Variants in TACC1 observed in about 807,000 individuals in gnomAD.
The protein encoded by TACC1 is transforming acidic coiled-coil containing protein 1.
Under a neutral mutation model 84.4 loss-of-function variants are expected in TACC1, and 48 were observed. The ratio of observed to expected loss-of-function variants is 0.57; its 90% CI spans 0.45 to 0.72. The LOEUF (loss-of-function observed/expected upper bound fraction) is 0.72, where lower values mean the gene tolerates loss of function less well. TACC1 is among the 30% of genes least tolerant of loss of function. The probability of loss-of-function intolerance (pLI) is 0.00; values close to 1 mark genes in which losing one functional copy is unlikely to be tolerated. For synonymous variants in TACC1, 372 were observed against 376.3 expected, an observed-to-expected ratio of 0.99 and a Z score of 0.13; for missense variants, 920 against 973.0, an observed-to-expected ratio of 0.95 and a Z score of 0.72.
intron 11 of TACC1, among the ~76,000 whole-genome samples, chr8:38,845,675 G>A (rs1312714462): frequency 1.3e-5 from 2 of 152,190 alleles, no homozygotes; most frequent in Non-Finnish European, 2.9e-5. Flanking sequence ...TGCACTCACT[G>A]TTATGCCAGG....
chr8:38,823,688 C>G (rs930797050), intron 3 of TACC1, among the ~76,000 whole-genome samples: 5 of 152,092 alleles, frequency 3.3e-5, no homozygotes, highest in African/African-American at 1.2e-4. Context: ...ATCTTGTCGT[C>G]TTGTTCTTTT....
intron 3 of TACC1, 27 bp downstream of exon 3, chr8:38,820,662 G>A (rs751599190): frequency 3.8e-6 from 6 of 1,580,448 alleles, no homozygotes; most frequent in South Asian, 1.1e-5. Context: ...GCTGGGTGTC[G>A]TGCTCTGTGT....
intron 5 of TACC1, among the ~76,000 whole-genome samples, chr8:38,828,247 T>C (rs1262152496): frequency 1.3e-5 from 2 of 152,254 alleles, no homozygotes; most frequent in African/African-American, 2.4e-5. Context: ...CTTTTCTCAC[T>C]TCTTCAGAGA....
At position 38,734,380 on chromosome 8, in the gene TACC1, C is replaced by T. The variant is rs181473406; in HGVS notation, c.-675+5709C>T. 1.4e-3 allele frequency among the ~76,000 whole-genome samples: 207 copies of T among 152,212 alleles called. 1 individual carries two copies. Among genetic ancestry groups the T allele is most frequent in the Non-Finnish European group, 1.2e-3 (82 of 68,006 alleles). ...CTAATTTTTGTAGTTTTGGTAGAGA[C>T]GGGGTTTCACCATGTTGGCCAGGCA... On this transcript the variant is annotated intron_variant, in intron 1 of 14. Transcript: ENST00000518415.
rs796294930 is a variant in TACC1, at chr8:38,747,860, A to G, written c.26+2367A>G. On this transcript the variant is annotated intron_variant, in intron 3 of 14. Coordinates refer to the TACC1 transcript ENST00000518415. ...CTCTAATGTAAACTACGGACTTTGG[A>G]TAATAATGATACATCAGTGTAGGTT... Among the ~76,000 whole-genome samples the G allele has an allele frequency of 1.3e-5, 2 of 152,344 alleles. 1 individual carries two copies. The highest frequency in any genetic ancestry group is 4.8e-5 in the African/African-American group (2 of 41,578).
chr8:38,780,393 C>T (rs987124665), intron 3 of TACC1, among the ~76,000 whole-genome samples: 12 of 151,970 alleles, frequency 7.9e-5, no homozygotes, highest in Non-Finnish European at 1.5e-4. Flanking sequence ...GATAGAGTCT[C>T]GCTCTGTTGC....
intron 6 of TACC1, among the ~76,000 whole-genome samples, chr8:38,835,020 G>C (rs543502088): frequency 2.6e-5 from 4 of 152,140 alleles, no homozygotes; most frequent in Non-Finnish European, 5.9e-5. Context: ...TTGGGAGGCC[G>C]AGGCAGGCAG....
At position 38,752,502 on chromosome 8, in the gene TACC1, A is replaced by G. The variant is rs565295169; in HGVS notation, c.26+7009A>G. ...AAAATAAAAACAAAAACAAAACCCC[A>G]AAAACCCCAAAACCAAAAAACAACA... On this transcript the variant is annotated intron_variant, in intron 3 of 14. Coordinates refer to the TACC1 transcript ENST00000518415. Among the ~76,000 whole-genome samples the G allele has an allele frequency of 2.0e-5, 3 of 152,122 alleles. No individual in the cohort carries two copies. The South Asian group carries it at 6.2e-4, about 32-fold the overall frequency.
intron 4 of TACC1, among the ~76,000 whole-genome samples, chr8:38,826,863 T>A (rs564807325): frequency 1.3e-5 from 2 of 152,266 alleles, no homozygotes; most frequent in East Asian, 1.9e-4. Flanking sequence ...CAAAAAAAAA[T>A]TAGGTATATG....
At chr8:38,821,026 T>G (rs1826672546) in intron 3 of TACC1, among the ~76,000 whole-genome samples, 1 of 152,000 alleles carries the variant, frequency 6.6e-6, no homozygotes, top group South Asian at 2.1e-4. Context: ...ACCAACATGG[T>G]GAAACCTGTC....
intron 2 of TACC1, among the ~76,000 whole-genome samples, chr8:38,814,671 T>A (rs1021600244): frequency 6.6e-6 from 1 of 152,224 alleles, no homozygotes; most frequent in African/African-American, 2.4e-5. Flanking sequence ...CATAACTGTA[T>A]TCCCTATTCC....
chr8:38,731,837 T>G (rs940836008), intron 1 of TACC1, among the ~76,000 whole-genome samples: 1 of 151,734 alleles, frequency 6.6e-6, no homozygotes, highest in Non-Finnish European at 1.5e-5. Flanking sequence ...GTAGGCTGGG[T>G]GTGGTGGCTC....
At chr8:38,784,784 G>C (rs115236775), upstream of TACC1, among the ~76,000 whole-genome samples, 1,340 of 152,330 alleles carry the variant, frequency 8.8e-3, 26 homozygotes, top group African/African-American at 0.031. Flanking sequence ...CCTACTGAGT[G>C]TGTGGTTCTG....
chr8:38,815,493 C>A (rs971058903), intron 2 of TACC1, among the ~76,000 whole-genome samples: 6 of 152,092 alleles, frequency 3.9e-5, no homozygotes, highest in Non-Finnish European at 7.4e-5. Flanking sequence ...GATCTCGGCT[C>A]ACTGCAACCT....
rs531163845 is a variant in TACC1, at chr8:38,808,976, C to G, written c.278-10546C>G. ...GACTGAGATATGGGGTCTGCAGTGACTTGGTATAGGGCTGGGCAAGTTTAT... is the reference window on the plus strand; with the variant it reads ...GACTGAGATATGGGGTCTGCAGTGAGTTGGTATAGGGCTGGGCAAGTTTAT... On this transcript the variant is annotated intron_variant, in intron 2 of 12. Coordinates refer to ENST00000317827, the MANE Select transcript of TACC1 (RefSeq NM_006283.3). Among the ~76,000 whole-genome samples the G allele has an allele frequency of 3.9e-5, 6 of 151,996 alleles. No individual in the cohort carries two copies. The East Asian group carries it at 7.8e-4, about 20-fold the overall frequency.
At position 38,772,025 on chromosome 8, in the gene TACC1, AAGAGAG is replaced by A. The variant is rs35335324; in HGVS notation, c.27-16656_27-16651del. Reference sequence around the variant, plus strand: ...ACACTCCATATATGAAAGAAAGAAAAAGAGAGAGAGAGAGAGAGAGAGAGAGAGGAA... The same window carrying A: ...ACACTCCATATATGAAAGAAAGAAAAAGAGAGAGAGAGAGAGAGAGAGGAA... On this transcript the variant is annotated intron_variant, in intron 3 of 14. Coordinates refer to the TACC1 transcript ENST00000518415. Among the ~76,000 whole-genome samples, 1,413 of 148,596 alleles carry A rather than the reference AAGAGAG, an allele frequency of 9.5e-3. 20 individuals are homozygous for A. The highest frequency in any genetic ancestry group is 0.032 in the African/African-American group (1,294 of 40,310).
rs76278342 is a variant in TACC1 at position 38,728,672 on chromosome 8, G to A, written c.-675+1G>A. The A allele has an allele frequency of 6.6e-6, 1 of 152,308 alleles. No homozygotes were observed. The highest frequency in any genetic ancestry group is 6.5e-5 in the Admixed American group (1 of 15,272). The allele number at this position is 152,308 out of a possible 1,614,324, so 9.4% of individuals were successfully genotyped here. A position where few individuals can be genotyped will look rare whatever the true frequency, so the allele number is the denominator to read the frequency against. ...GACTCTGGGGACCCTCGCCGAAGAG[G>A]TAGGAAACGGGGGACTGCACGTTCC... On this transcript the variant is annotated splice_donor_variant, in intron 1 of 14. Transcript: ENST00000518415. LOFTEE classifies it low-confidence loss of function (5UTR_SPLICE).
chr8:38,847,596 T>A (rs917230409), intron 12 of TACC1, among the ~76,000 whole-genome samples: 2 of 152,178 alleles, frequency 1.3e-5, no homozygotes, highest in East Asian at 1.9e-4. Context: ...AGATTCAGAC[T>A]CCAGCATCCC....
chr8:38,845,553 T>C (rs1017743808), intron 11 of TACC1, among the ~76,000 whole-genome samples: 1 of 152,246 alleles, frequency 6.6e-6, no homozygotes, highest in African/African-American at 2.4e-5. Context: ...TCAGAACATA[T>C]AGCTGAATCT....
Sources: gnomAD v4.1 joint callset for allele counts (sites outside exome capture counted in the v4.1 genomes callset) on GRCh38, gnomAD v4.1.1 for gene constraint, MANE v1.5 for transcripts, NCBI Gene and HGNC (gene_info 2026-07-23, HGNC 2026-07-21) for gene names.